METTL24: variants seen among roughly 807,000 people sequenced by gnomAD.
METTL24 encodes probable methyltransferase-like protein 24.
Under a neutral mutation model 32.7 loss-of-function variants are expected in METTL24, and 29 were observed. The observed-to-expected ratio is 0.89, with a 90% CI of 0.66 to 1.21. The LOEUF (loss-of-function observed/expected upper bound fraction) is 1.21, where lower values mean the gene tolerates loss of function less well. METTL24 is among the 50% of genes most tolerant of loss of function. The pLI, the probability that METTL24 is intolerant of heterozygous loss-of-function variation, is 0.00. For missense variants in METTL24, 439 were observed against 468.1 expected, an observed-to-expected ratio of 0.94 and a Z score of 0.57; for synonymous variants, 163 against 179.5, an observed-to-expected ratio of 0.91 and a Z score of 0.73.
At chr6:110,302,874 T>C (rs766431723) in intron 3 of METTL24, among the ~76,000 whole-genome samples, 4 of 152,060 alleles carry the variant, frequency 2.6e-5, no homozygotes, top group Non-Finnish European at 5.9e-5. Context: ...TCTGGCAAGA[T>C]ATGGCTGAAT....
intron 3 of METTL24, among the ~76,000 whole-genome samples, chr6:110,300,985 G>A (rs543056398): frequency 1.1e-4 from 17 of 152,078 alleles, no homozygotes; most frequent in Non-Finnish European, 2.4e-4. Flanking sequence ...TTATATCCAG[G>A]ACTTGAGCAT....
intron 1 of METTL24, among the ~76,000 whole-genome samples, chr6:110,331,411 C>A (rs1772107681): frequency 6.6e-6 from 1 of 152,010 alleles, no homozygotes; most frequent in African/African-American, 2.4e-5. Context: ...GCAGTCCCAG[C>A]CCTTTGGGAG....
Position 110,245,352 on chromosome 6 carries a change from T to C in METTL24, c.*594A>G, listed in dbSNP as rs1232129855. 1.3e-5 allele frequency among the ~76,000 whole-genome samples: 2 copies of C among 152,170 alleles called. No homozygotes were observed. The highest frequency in any genetic ancestry group is 2.9e-5 in the Non-Finnish European group (2 of 68,032). ...TACACCTTCGTGTTGAAGCTCTTGA[T>C]AGTCTAGTCTCTTTAACTCAGTGAC... On this transcript the variant is annotated 3_prime_UTR_variant, in exon 5 of 5. Transcript: ENST00000338882.
intron 2 of METTL24, among the ~76,000 whole-genome samples, chr6:110,319,035 G>T (rs758591788): frequency 2.0e-5 from 3 of 152,094 alleles, no homozygotes; most frequent in Non-Finnish European, 4.4e-5. Flanking sequence ...AACTTAAAGG[G>T]ATCTAATTTA....
At chr6:110,342,381 T>A (rs552371576) in intron 1 of METTL24, among the ~76,000 whole-genome samples, 1 of 152,332 alleles carries the variant, frequency 6.6e-6, no homozygotes, top group South Asian at 2.1e-4. Context: ...GAGGCCAGCA[T>A]GTGGGCTCCA....
intron 1 of METTL24, among the ~76,000 whole-genome samples, chr6:110,349,448 C>T (rs1562246085): frequency 6.6e-6 from 1 of 152,204 alleles, no homozygotes; most frequent in Admixed American, 6.5e-5. Flanking sequence ...ACACCCGCAA[C>T]AGATATCTGG....
Position 110,245,232 on chromosome 6 carries a change from G to A in METTL24, c.*714C>T, listed in dbSNP as rs1385773149. On this transcript the variant is annotated 3_prime_UTR_variant, in exon 5 of 5. Coordinates refer to ENST00000338882, the MANE Select transcript of METTL24 (RefSeq NM_001123364.3). The stretch of plus-strand genomic sequence containing the variant: ...GAAGGCCTGAATAGAACCTAAGGCA[G>A]TAAGGAAGAATTAATTCTCTGTCTG... Among the ~76,000 whole-genome samples, 2 of 152,218 alleles carry A rather than the reference G, an allele frequency of 1.3e-5. No homozygotes were observed. The highest frequency in any genetic ancestry group is 3.8e-4 in the East Asian group (2 of 5,200).
chr6:110,250,148 C>A (rs1295078076), intron 4 of METTL24, among the ~76,000 whole-genome samples: 1 of 151,860 alleles, frequency 6.6e-6, no homozygotes, highest in Non-Finnish European at 1.5e-5. Context: ...GCTGCCGTAA[C>A]AAAAGACCAT....
At chr6:110,253,316 C>T (rs1347475196) in intron 4 of METTL24, among the ~76,000 whole-genome samples, 1 of 152,132 alleles carries the variant, frequency 6.6e-6, no homozygotes, top group East Asian at 1.9e-4. Context: ...GCCAGAAGCA[C>T]CCAGCAAAGC....
At chr6:110,344,097 A>T (rs376770354) in intron 1 of METTL24, among the ~76,000 whole-genome samples, 4 of 152,194 alleles carry the variant, frequency 2.6e-5, no homozygotes, top group Non-Finnish European at 5.9e-5. Flanking sequence ...CTGCCCAACA[A>T]TGCAACGGTT....
intron 1 of METTL24, among the ~76,000 whole-genome samples, chr6:110,350,204 AAAG>A (rs1343902684): frequency 9.8e-5 from 15 of 152,366 alleles, no homozygotes; most frequent in African/African-American, 3.6e-4. Flanking sequence ...GTGTGACCAA[AAAG>A]AATAGTAAAT....
At chr6:110,318,147 G>A (rs6931252) in intron 2 of METTL24, among the ~76,000 whole-genome samples, 5,237 of 152,294 alleles carry the variant, frequency 0.034, 304 homozygotes, top group African/African-American at 0.12. Context: ...TTGAAGATCC[G>A]CAGTGAGGGC....
At chr6:110,250,016 G>T (rs1778248047) in intron 4 of METTL24, among the ~76,000 whole-genome samples, 1 of 151,936 alleles carries the variant, frequency 6.6e-6, no homozygotes, top group Non-Finnish European at 1.5e-5. Flanking sequence ...ATTAAGACCT[G>T]ATGCCATCTG....
chr6:110,267,439 T>C (rs1770876097), intron 4 of METTL24, among the ~76,000 whole-genome samples: 1 of 152,220 alleles, frequency 6.6e-6, no homozygotes, highest in African/African-American at 2.4e-5. Context: ...ATATACCAGA[T>C]ATCAGATATA....
At chr6:110,261,183 A>C (rs1582385863) in intron 4 of METTL24, among the ~76,000 whole-genome samples, 2 of 152,220 alleles carry the variant, frequency 1.3e-5, no homozygotes, top group Admixed American at 6.5e-5. Context: ...AAATTGGATA[A>C]AGAGTCAAGA....
At chr6:110,280,124 C>T (rs1392739339) in intron 4 of METTL24, among the ~76,000 whole-genome samples, 3 of 152,294 alleles carry the variant, frequency 2.0e-5, no homozygotes, top group African/African-American at 4.8e-5. Context: ...AACCCGCCCA[C>T]ATGAGCCAAT....
intron 4 of METTL24, among the ~76,000 whole-genome samples, chr6:110,298,035 G>A (rs11753379): frequency 0.19 from 28,244 of 151,990 alleles, 6,206 homozygotes; most frequent in African/African-American, 0.53. Flanking sequence ...GAGGAGGAAC[G>A]GCAATGCAGG....
Position 110,259,415 on chromosome 6 carries a change from G to A in METTL24, c.787-13155C>T, listed in dbSNP as rs567113400. 3.9e-4 allele frequency among the ~76,000 whole-genome samples: 60 copies of A among 152,316 alleles called. 1 individual carries two copies. Among genetic ancestry groups the A allele is most frequent in the African/African-American group, 1.4e-3 (57 of 41,570 alleles). On this transcript the variant is annotated intron_variant, in intron 4 of 4. Transcript: ENST00000338882. ...AAACTGCAAGGCAGCGGTGAGGCTG[G>A]GGGAGGGGCACCCACCATTGCCGAA... is the stretch of plus-strand genomic sequence containing the variant.
At chr6:110,315,131 T>C (rs1162663387) in intron 3 of METTL24, among the ~76,000 whole-genome samples, 2 of 152,040 alleles carry the variant, frequency 1.3e-5, no homozygotes, top group East Asian at 3.9e-4. Flanking sequence ...ATCAGCAGAA[T>C]GGGAGGGAAA....
Sources: allele counts gnomAD v4.1 joint callset (sites outside exome capture counted in the v4.1 genomes callset), GRCh38; gene constraint gnomAD v4.1.1; transcripts MANE v1.5; gene names NCBI Gene and HGNC (gene_info 2026-07-23, HGNC 2026-07-21).